Variants in TOR1AIP2 observed in about 807,000 individuals in gnomAD.
TOR1AIP2 encodes torsin-1A-interacting protein 2.
A neutral mutation model predicts 32.6 loss-of-function variants in TOR1AIP2; 20 were observed. That is an observed-to-expected ratio of 0.61 (90% CI 0.43 to 0.89). TOR1AIP2 has a LOEUF of 0.89. TOR1AIP2 is among the 40% of genes least tolerant of loss of function. TOR1AIP2 has a pLI of 0.00. For missense variants in TOR1AIP2, 456 were observed against 553.8 expected, an observed-to-expected ratio of 0.82 and a Z score of 1.77; for synonymous variants, 214 against 210.8, an observed-to-expected ratio of 1.02 and a Z score of -0.13.
In TOR1AIP2 at chr1:179,861,550, T is replaced by C. The variant is rs190352992; in HGVS notation, c.-147+3886A>G. The C allele has an allele frequency of 3.0e-6, 3 of 985,382 alleles. No individual in the cohort carries two copies. The East Asian group carries it at 3.4e-4, about 112-fold the overall frequency. 61.0% of individuals were successfully genotyped at this position (985,382 alleles called of 1,614,324 possible). The stretch of plus-strand genomic sequence containing the variant: ...TTTCTTGCCCATATATTCACATAGT[T>C]TATAATGACACTGAACAAAACTGTT... On this transcript the variant is annotated intron_variant, in intron 3 of 6. Coordinates refer to ENST00000609928, the MANE Select transcript of TOR1AIP2 (RefSeq NM_001199260.2).
At chr1:179,851,403 T>A (rs1324795458) in intron 4 of TOR1AIP2, 40 bp from the exon 5 acceptor site, 1 of 1,418,572 alleles carries the variant, frequency 7.0e-7, no homozygotes, top group South Asian at 1.5e-5. Flanking sequence ...TGGAAAAAAT[T>A]CCCCATAAAT....
At chr1:179,862,495 A>G (rs1038497383) in intron 3 of TOR1AIP2, 1 of 985,322 alleles carries the variant, frequency 1.0e-6, no homozygotes, top group African/African-American at 1.7e-5. Flanking sequence ...CCTCCATTGT[A>G]AGAGACATAA....
rs878973337 is a variant in TOR1AIP2, at chr1:179,844,448, T to A, written c.*1623A>T. On this transcript the variant is annotated 3_prime_UTR_variant, in exon 7 of 7. Transcript: ENST00000609928. The stretch of plus-strand genomic sequence containing the variant: ...TCTTAGCTATATACATATGATCTCA[T>A]ATAATGGAGAGGCCAAAACCCAGTT... 1 of 152,212 alleles carries A rather than the reference T, an allele frequency of 6.6e-6. No homozygotes were observed. Among genetic ancestry groups the A allele is most frequent in the Non-Finnish European group, 1.5e-5 (1 of 68,032 alleles). The allele number at this position is 152,212 out of a possible 1,614,324, so 9.4% of individuals were successfully genotyped here.
rs540452851 is a variant in TOR1AIP2, at chr1:179,858,984, T to C, written c.-146-6173A>G. ...AAAAGAATCAGCCATTCCAGGATGG[T>C]AGTTTAGATATAAATGCCATCATGA... On this transcript the variant is annotated intron_variant, in intron 3 of 6. Coordinates refer to ENST00000609928, the MANE Select transcript of TOR1AIP2 (RefSeq NM_001199260.2). 4.4e-5 allele frequency: 42 copies of C among 958,566 alleles called. 1 individual carries two copies. In the South Asian group the frequency reaches 1.8e-3, roughly 41 times the overall value. The allele number at this position is 958,566 out of a possible 1,614,324, so 59.4% of individuals were successfully genotyped here.
At chr1:179,857,414 G>A (rs568801405) in intron 3 of TOR1AIP2, among the ~76,000 whole-genome samples, 1 of 152,146 alleles carries the variant, frequency 6.6e-6, no homozygotes, top group Admixed American at 6.5e-5. Flanking sequence ...CTAGACGGCC[G>A]GCTGAGGGAT....
intron 5 of TOR1AIP2, among the ~76,000 whole-genome samples, chr1:179,850,415 C>A (rs2148427558): frequency 6.6e-6 from 1 of 152,322 alleles, no homozygotes; most frequent in East Asian, 1.9e-4. Flanking sequence ...GATACTGTCC[C>A]ATTAATGCTC....
At chr1:179,861,583 A>G in intron 3 of TOR1AIP2, 1 of 985,434 alleles carries the variant, frequency 1.0e-6, no homozygotes, top group Non-Finnish European at 1.2e-6. Context: ...GTTTGTGAAG[A>G]AGACTGAAAC....
At chr1:179,863,008 TGAGATCAA>T (rs1373099488) in intron 3 of TOR1AIP2, 1 of 154,698 alleles carries the variant, frequency 6.5e-6, no homozygotes, top group African/African-American at 2.4e-5. Context: ...GGGTGGATCA[TGAGATCAA>T]GAGATCAAGA....
chr1:179,846,499 G>T lies in TOR1AIP2; in HGVS notation c.985C>A (p.Gln329Lys). 6.2e-7 allele frequency: 1 copy of T among 1,614,144 alleles called. No homozygotes were observed. The highest frequency in any genetic ancestry group is 1.3e-5 in the African/African-American group (1 of 75,026). ...YTSSQKVSPI[Q>K]IDGAGRTWQD... ...CAGGTCCTTCCAGCCCCATCAATCT[G>T]AATGGGAGAGACTTTCTGGGAAGAG... Residue 329 changes from glutamine to lysine, a missense_variant, in exon 7 of 7, where the codon CAG becomes AAG. Coordinates refer to ENST00000609928, the MANE Select transcript of TOR1AIP2 (RefSeq NM_001199260.2).
intron 3 of TOR1AIP2, chr1:179,864,403 G>C: frequency 5.0e-6 from 5 of 994,116 alleles, no homozygotes; most frequent in Non-Finnish European, 6.0e-6. Context: ...TCCCACAAAA[G>C]TTATCATTAG....
intron 3 of TOR1AIP2, 59 bp from the exon 4 acceptor site, chr1:179,852,870 G>T: frequency 1.7e-6 from 2 of 1,192,652 alleles, no homozygotes; most frequent in Non-Finnish European, 2.1e-6. Context: ...AGAAATGCAA[G>T]TATCAGCTTT....
intron 5 of TOR1AIP2, among the ~76,000 whole-genome samples, 192 bp downstream of exon 5, chr1:179,850,653 G>C (rs986757343): frequency 3.3e-5 from 5 of 152,238 alleles, no homozygotes; most frequent in African/African-American, 1.2e-4. Flanking sequence ...AGTGGAATGA[G>C]CTAGCCTAGA....
At chr1:179,859,529 T>C in intron 3 of TOR1AIP2, 3 of 985,446 alleles carry the variant, frequency 3.0e-6, no homozygotes, top group East Asian at 1.1e-4. Context: ...CTGAGTGAAT[T>C]TGTACATATC....
At chr1:179,875,416 G>A (rs1039043830) in intron 2 of TOR1AIP2, 2 of 152,056 alleles carry the variant, frequency 1.3e-5, no homozygotes, top group African/African-American at 4.8e-5. Flanking sequence ...CAACCACAGG[G>A]GCACAAAAGA....
chr1:179,848,767 C>T (rs893552595), intron 5 of TOR1AIP2, among the ~76,000 whole-genome samples: 20 of 152,240 alleles, frequency 1.3e-4, no homozygotes, highest in African/African-American at 3.9e-4. Context: ...ACACCTACTC[C>T]GGCCCCATTA....
In TOR1AIP2 at chr1:179,845,156, C is replaced by T. The variant is rs1281274041; in HGVS notation, c.*915G>A. ...TTCATTTTTTAAACATATTTCCTAT[C>T]TTCTAAGATGTTTTTTCACTTAATC... On this transcript the variant is annotated 3_prime_UTR_variant, in exon 7 of 7. Transcript: ENST00000609928. The T allele has an allele frequency of 6.6e-6, 1 of 152,154 alleles. No individual in the cohort carries two copies. Among genetic ancestry groups the T allele is most frequent in the East Asian group, 1.9e-4 (1 of 5,196 alleles). 9.4% of individuals were successfully genotyped at this position (152,154 alleles called of 1,614,324 possible). A position where few individuals can be genotyped will look rare whatever the true frequency, so the allele number is the denominator to read the frequency against.
intron 2 of TOR1AIP2, among the ~76,000 whole-genome samples, chr1:179,872,201 A>G (rs1031703897): frequency 6.6e-6 from 1 of 152,202 alleles, no homozygotes; most frequent in African/African-American, 2.4e-5. Flanking sequence ...GCATGGCCAT[A>G]AAGGAGAACA....
rs1017965571 is a variant in TOR1AIP2 at position 179,877,393 on chromosome 1, A to C, written c.-700-20T>G. 3.3e-5 allele frequency: 5 copies of C among 151,890 alleles called. No individual in the cohort carries two copies. Among genetic ancestry groups the C allele is most frequent in the Admixed American group, 1.3e-4 (2 of 15,242 alleles). The allele number at this position is 151,890 out of a possible 1,614,324, so 9.4% of individuals were successfully genotyped here. On this transcript the variant is annotated intron_variant, in intron 1 of 6. Transcript: ENST00000609928. Reference sequence around the variant, plus strand: ...CTGTCGCTATAAAAATAAAAAATAAAGTAATTAGTAGGGCATGGTGGTGCG... The same window carrying C: ...CTGTCGCTATAAAAATAAAAAATAACGTAATTAGTAGGGCATGGTGGTGCG...
intron 2 of TOR1AIP2, chr1:179,867,926 A>C (rs1696852453): frequency 6.6e-6 from 1 of 152,282 alleles, no homozygotes; most frequent in African/African-American, 2.4e-5. Flanking sequence ...AGGGGGCCCC[A>C]GAACTCCAAA....
Sources: allele counts gnomAD v4.1 joint callset (sites outside exome capture counted in the v4.1 genomes callset), GRCh38; gene constraint gnomAD v4.1.1; transcripts MANE v1.5; gene names NCBI Gene and HGNC (gene_info 2026-07-23, HGNC 2026-07-21).